Variants in PPARGC1B observed in about 807,000 individuals in gnomAD.
PPARGC1B encodes the protein PPARG coactivator 1 beta.
In PPARGC1B, 34 loss-of-function variants were observed where a neutral mutation model predicts 101.6. That is an observed-to-expected ratio of 0.33 (90% CI 0.25 to 0.45). The LOEUF (loss-of-function observed/expected upper bound fraction) is 0.45, where lower values mean the gene tolerates loss of function less well. Ranked by LOEUF, PPARGC1B falls within the 20% of genes least tolerant of loss-of-function variation. The pLI, the probability that PPARGC1B is intolerant of heterozygous loss-of-function variation, is 1.00. For missense variants in PPARGC1B, 1,234 were observed against 1,317.6 expected, an observed-to-expected ratio of 0.94 and a Z score of 0.98; for synonymous variants, 548 against 539.3, an observed-to-expected ratio of 1.02 and a Z score of -0.22.
chr5:149,800,807 AC>A (rs1757406605), intron 1 of PPARGC1B, among the ~76,000 whole-genome samples: 1 of 152,222 alleles, frequency 6.6e-6, no homozygotes, highest in African/African-American at 2.4e-5. Context: ...AAGTGCAAGA[AC>A]AACAATAAAT....
intron 1 of PPARGC1B, among the ~76,000 whole-genome samples, chr5:149,801,561 GA>G (rs1163745836): frequency 6.6e-6 from 1 of 152,190 alleles, no homozygotes; most frequent in African/African-American, 2.4e-5. Flanking sequence ...GTGGGACAGG[GA>G]GGCAGGAGAC....
chr5:149,732,145 G>A (rs1331991948), intron 1 of PPARGC1B, among the ~76,000 whole-genome samples: 2 of 152,030 alleles, frequency 1.3e-5, no homozygotes, highest in Non-Finnish European at 2.9e-5. Flanking sequence ...TCCCGCCGTC[G>A]TCGCCGGGCT....
chr5:149,817,685 C>G, intron 1 of PPARGC1B: 2 of 455,258 alleles, frequency 4.4e-6, no homozygotes, highest in African/African-American at 2.0e-5. Flanking sequence ...TTGAACATGC[C>G]CACTAGAATG....
chr5:149,761,514 G>C (rs1755717418), intron 1 of PPARGC1B: 1 of 152,156 alleles, frequency 6.6e-6, no homozygotes, highest in Admixed American at 6.5e-5. Flanking sequence ...ATCTCAGAGA[G>C]ATCTGCACTC....
At chr5:149,808,292 T>C (rs2113312860) in intron 1 of PPARGC1B, among the ~76,000 whole-genome samples, 1 of 152,296 alleles carries the variant, frequency 6.6e-6, no homozygotes, top group East Asian at 1.9e-4. Context: ...CCAATTTCTG[T>C]GAACTACTGG....
chr5:149,781,937 T>C (rs747021187), intron 1 of PPARGC1B, among the ~76,000 whole-genome samples: 1 of 152,178 alleles, frequency 6.6e-6, no homozygotes, highest in African/African-American at 2.4e-5. Flanking sequence ...CAATCATTAA[T>C]GCCATTCCTG....
chr5:149,761,164 GTA>G (rs2113153473), intron 1 of PPARGC1B, among the ~76,000 whole-genome samples: 1 of 152,198 alleles, frequency 6.6e-6, no homozygotes, highest in East Asian at 1.9e-4. Context: ...ATGATTTGAT[GTA>G]TGTATATACT....
At chr5:149,740,794 C>G (rs558685353) in intron 1 of PPARGC1B, among the ~76,000 whole-genome samples, 2 of 152,302 alleles carry the variant, frequency 1.3e-5, no homozygotes, top group East Asian at 3.9e-4. Context: ...ATAATTAAGG[C>G]TTGCAGCTTC....
intron 6 of PPARGC1B, among the ~76,000 whole-genome samples, 158 bp downstream of exon 6, chr5:149,834,868 C>T (rs560964752): frequency 6.6e-6 from 1 of 152,324 alleles, no homozygotes; most frequent in African/African-American, 2.4e-5. Context: ...AGCTGGGCTC[C>T]TTTAGAAGGG....
At position 149,755,040 on chromosome 5, in the gene PPARGC1B, C is replaced by CATATAT. The variant is rs761461783; in HGVS notation, c.78+24625_78+24626insTATATA. The stretch of plus-strand genomic sequence containing the variant: ...TACCCACACATATACACTACATATA[C>CATATAT]ATATACATATACATATATATATATA... On this transcript the variant is annotated intron_variant, in intron 1 of 11. Transcript: ENST00000309241. 1.4e-4 allele frequency among the ~76,000 whole-genome samples: 12 copies of CATATAT among 85,252 alleles called. No individual in the cohort carries two copies. In the South Asian group the frequency reaches 3.6e-3, roughly 25 times the overall value. 55.9% of individuals were successfully genotyped at this position (85,252 alleles called of 152,430 possible).
At position 149,732,694 on chromosome 5, in the gene PPARGC1B, C is replaced by T. The variant is rs113431878; in HGVS notation, c.78+2274C>T. 4 of 420,548 alleles carry T rather than the reference C, an allele frequency of 9.5e-6. No individual in the cohort carries two copies. The Admixed American group carries it at 1.2e-4, about 12-fold the overall frequency. 26.1% of individuals were successfully genotyped at this position (420,548 alleles called of 1,614,324 possible). ...AGCTTTGAGCCGCCCCTAGAAGGCT[C>T]GGAGAGCCCAGCCGGAAGAGGACCT... On this transcript the variant is annotated intron_variant, in intron 1 of 11. Coordinates refer to ENST00000309241, the MANE Select transcript of PPARGC1B (RefSeq NM_133263.4).
At position 149,833,624 on chromosome 5, in the gene PPARGC1B, C is replaced by T. The variant is rs561384383; in HGVS notation, c.1551C>T (p.Asp517=). Reference sequence around the variant, plus strand: ...TGTGCCTGGCTCCCAAGGCCTACGACGTAGAGCGGGAGCTGGGCAGCCCCA... The same window carrying T: ...TGTGCCTGGCTCCCAAGGCCTACGATGTAGAGCGGGAGCTGGGCAGCCCCA... ...PSLCLAPKAY[D]VERELGSPTD... is the part of the protein sequence containing the mutation. Residue 517 remains aspartate (D), a synonymous_variant, in exon 5 of 12, where the codon GAC becomes GAT. Transcript: ENST00000309241. The surrounding 1 kb of genome is among the most constrained non-coding windows in gnomAD (Gnocchi z 4.1). 108 of 1,609,426 alleles carry T rather than the reference C, an allele frequency of 6.7e-5. No homozygotes were observed. In the Admixed American group the frequency reaches 1.2e-3, roughly 18 times the overall value.
intron 1 of PPARGC1B, among the ~76,000 whole-genome samples, chr5:149,807,676 C>T (rs1302483438): frequency 6.6e-6 from 1 of 152,206 alleles, no homozygotes; most frequent in African/African-American, 2.4e-5. Context: ...CATTCACCAT[C>T]TTTGAGAAGA....
intron 1 of PPARGC1B, among the ~76,000 whole-genome samples, chr5:149,804,912 C>T (rs542886689): frequency 6.6e-6 from 1 of 152,294 alleles, no homozygotes; most frequent in Admixed American, 6.5e-5. Flanking sequence ...CAGGCAGGCT[C>T]CAGCTGCACT....
chr5:149,835,816 A>G (rs1286017643), intron 7 of PPARGC1B, among the ~76,000 whole-genome samples: 1 of 152,222 alleles, frequency 6.6e-6, no homozygotes, highest in Non-Finnish European at 1.5e-5. Context: ...GCCAACTCCA[A>G]AGAATTGGAG....
At chr5:149,762,448 C>G (rs773006622) in intron 1 of PPARGC1B, among the ~76,000 whole-genome samples, 8 of 152,172 alleles carry the variant, frequency 5.3e-5, no homozygotes, top group Non-Finnish European at 1.2e-4. Flanking sequence ...GTGCCAGGCC[C>G]TGCAGATCTT....
chr5:149,830,934 A>C (rs763927486), intron 4 of PPARGC1B, 51 bp downstream of exon 4: 12 of 1,262,132 alleles, frequency 9.5e-6, no homozygotes, highest in Non-Finnish European at 1.4e-5. Flanking sequence ...TTGGGGCTGC[A>C]GCCTTCAGCT....
Position 149,730,342 on chromosome 5 carries a change from G to A in PPARGC1B, c.-1G>A, listed in dbSNP as rs753872343. Reference sequence around the variant, plus strand: ...CCGCACGCTGCAGCCGCGGCTGGAAGATGGCGGGGAACGACTGCGGCGCGC... The same window carrying A: ...CCGCACGCTGCAGCCGCGGCTGGAAAATGGCGGGGAACGACTGCGGCGCGC... On this transcript the variant is annotated 5_prime_UTR_variant, in exon 1 of 12. Coordinates refer to ENST00000309241, the MANE Select transcript of PPARGC1B (RefSeq NM_133263.4). This position sits in a 1 kb window ranked among gnomAD's most constrained non-coding sequence, Gnocchi z 4.0. 11 of 1,560,980 alleles carry A rather than the reference G, an allele frequency of 7.0e-6. No individual in the cohort carries two copies. Among genetic ancestry groups the A allele is most frequent in the Non-Finnish European group, 9.5e-6 (11 of 1,156,262 alleles).
chr5:149,738,846 C>T (rs933989132), intron 1 of PPARGC1B, among the ~76,000 whole-genome samples: 15 of 152,212 alleles, frequency 9.9e-5, no homozygotes, highest in East Asian at 5.8e-4. Context: ...CCGCTCGCCT[C>T]GGCCTCCCAA....
Sources: allele counts gnomAD v4.1 joint callset (sites outside exome capture counted in the v4.1 genomes callset), GRCh38; gene constraint gnomAD v4.1.1; non-coding constraint Gnocchi (gnomAD v3.1); transcripts MANE v1.5; gene names NCBI Gene and HGNC (gene_info 2026-07-23, HGNC 2026-07-21).